Variants in TMEM26 observed in about 807,000 individuals in gnomAD.
TMEM26 encodes the protein transmembrane protein 26.
Under a neutral mutation model 28.8 loss-of-function variants are expected in TMEM26, and 38 were observed. The observed-to-expected ratio is 1.32, with a 90% confidence interval of 1.02 to 1.73. TMEM26 has a LOEUF of 1.73. Ranked by LOEUF, TMEM26 falls within the 40% of genes most tolerant of loss-of-function variation. The probability of loss-of-function intolerance (pLI) is 0.00; values close to 1 mark genes in which losing one functional copy is unlikely to be tolerated. For synonymous variants in TMEM26, 227 were observed against 182.9 expected, an observed-to-expected ratio of 1.24 and a Z score of -1.95; for missense variants, 518 against 447.1, an observed-to-expected ratio of 1.16 and a Z score of -1.43.
In TMEM26 at chr10:61,442,351, AT is replaced by A. The variant is rs1840108862; in HGVS notation, c.192-6104del. 2.6e-5 allele frequency among the ~76,000 whole-genome samples: 4 copies of A among 152,188 alleles called. No individual in the cohort carries two copies. In the South Asian group the frequency reaches 8.3e-4, roughly 31 times the overall value. Reference sequence around the variant, plus strand: ...TATTAATGTTTTCTTATTGAAAAAAATAACATCCATTCATTTTTATTAACAA... The same window carrying A: ...TATTAATGTTTTCTTATTGAAAAAAAAACATCCATTCATTTTTATTAACAA... On this transcript the variant is annotated intron_variant, in intron 1 of 5. Coordinates refer to ENST00000399298, the MANE Select transcript of TMEM26 (RefSeq NM_178505.8).
At chr10:61,434,339 C>A (rs186582364) in intron 2 of TMEM26, among the ~76,000 whole-genome samples, 5 of 152,228 alleles carry the variant, frequency 3.3e-5, no homozygotes, top group Admixed American at 3.3e-4. Flanking sequence ...AAAAAGGGAA[C>A]TTTTGGTTGC....
chr10:61,418,588 T>G (rs1266398227), intron 4 of TMEM26, among the ~76,000 whole-genome samples: 1 of 152,070 alleles, frequency 6.6e-6, no homozygotes, highest in African/African-American at 2.4e-5. Flanking sequence ...ACCATATTGA[T>G]CAGTTAAAGT....
intron 3 of TMEM26, among the ~76,000 whole-genome samples, chr10:61,430,174 A>G (rs1369371062): frequency 6.6e-6 from 1 of 152,044 alleles, no homozygotes; most frequent in Non-Finnish European, 1.5e-5. Flanking sequence ...TGAAAAACTG[A>G]GAGAGAAACT....
At chr10:61,425,475 T>C (rs1398460855) in intron 4 of TMEM26, among the ~76,000 whole-genome samples, 2 of 152,166 alleles carry the variant, frequency 1.3e-5, no homozygotes, top group East Asian at 3.8e-4. Context: ...AAAACACGTT[T>C]TTCAGAAGAT....
chr10:61,428,834 T>G (rs1839873231), intron 4 of TMEM26, 92 bp downstream of exon 4: 5 of 1,102,892 alleles, frequency 4.5e-6, no homozygotes, highest in Non-Finnish European at 6.6e-6. Context: ...CTAAAAATTC[T>G]TATTCATGTG....
In TMEM26 at chr10:61,422,434, A is replaced by T. The variant is rs767636492; in HGVS notation, c.605+6492T>A. On this transcript the variant is annotated intron_variant, in intron 4 of 5. Transcript: ENST00000399298. ...AGTAAGTCTCCATAAATTTAAAAAA[A>T]CTTAAACAATTTAAAGTAGATCCTC... Among the ~76,000 whole-genome samples the T allele has an allele frequency of 7.9e-5, 12 of 152,286 alleles. 1 individual carries two copies. Among genetic ancestry groups the T allele is most frequent in the Middle Eastern group, 6.8e-3 (2 of 294 alleles).
At chr10:61,429,460 T>C (rs970737097) in intron 3 of TMEM26, among the ~76,000 whole-genome samples, 2 of 152,078 alleles carry the variant, frequency 1.3e-5, no homozygotes, top group Non-Finnish European at 2.9e-5. Flanking sequence ...TTTATTATAC[T>C]GTGTAATGAA....
In TMEM26 at chr10:61,431,294, G is replaced by A; in HGVS notation, c.309C>T (p.Thr103=). 2 of 1,613,096 alleles carry A rather than the reference G, an allele frequency of 1.2e-6. No homozygotes were observed. Among genetic ancestry groups the A allele is most frequent in the African/African-American group, 1.3e-5 (1 of 74,960 alleles). The change falls in exon 3 of 6, where the codon ACC becomes ACT. Residue 103 remains threonine, a synonymous_variant. Transcript: ENST00000399298. ...SIQAEGTSQN[T]SRKEDFNQTL... is the part of the protein sequence containing the mutation. ...TTTGATTGAAGTCTTCTTTTCTGCT[G>A]GTATTCTGTGATGTTCCTTCAGCCT...
At chr10:61,436,300 A>T in intron 1 of TMEM26, 52 bp from the exon 2 acceptor site, 1 of 713,996 alleles carries the variant, frequency 1.4e-6, no homozygotes. Flanking sequence ...CTAATTTTCC[A>T]AAAAAAAAAA....
rs201924798 is a variant in TMEM26, at chr10:61,430,255, TA to T, written c.384+963del. Among the ~76,000 whole-genome samples the T allele has an allele frequency of 6.4e-3, 971 of 152,140 alleles. 9 individuals carry two copies. Among genetic ancestry groups the T allele is most frequent in the African/African-American group, 0.022 (914 of 41,542 alleles). ...AATTAGAACCCAAGGTTCATTCCAT[TA>T]AACCTCACAGAACCAATAGTACATC... On this transcript the variant is annotated intron_variant, in intron 3 of 5. Transcript: ENST00000399298.
intron 4 of TMEM26, chr10:61,416,264 G>C (rs1839650941): frequency 2.7e-6 from 1 of 363,746 alleles, no homozygotes; most frequent in Admixed American, 3.5e-5. Context: ...TTGCCTGCAA[G>C]GCAGTAGAAA....
rs766750670 is a variant in TMEM26, at chr10:61,410,394, C to A, written c.1035G>T (p.Glu345Asp). 2.0e-5 allele frequency: 33 copies of A among 1,613,946 alleles called. 1 individual carries two copies. The South Asian group carries it at 2.6e-4, about 13-fold the overall frequency. Reference protein sequence around the residue: ...SGPSQRDWQNESKEGLAIPLR... With the variant: ...SGPSQRDWQNDSKEGLAIPLR... ...AAGGAATAGCCAGGCCCTCCTTAGA[C>A]TCGTTCTGCCAGTCCCGCTGAGAGG... The change falls in exon 6 of 6, where the codon GAG (glutamate) becomes GAT (aspartate). Residue 345 changes from glutamate (E) to aspartate (D), a missense_variant. Coordinates refer to ENST00000399298, the MANE Select transcript of TMEM26 (RefSeq NM_178505.8).
At chr10:61,436,434 T>C (rs981397653) in intron 1 of TMEM26, among the ~76,000 whole-genome samples, 186 bp from the exon 2 acceptor site, 1 of 152,182 alleles carries the variant, frequency 6.6e-6, no homozygotes, top group Admixed American at 6.5e-5. Flanking sequence ...GCCATATGGA[T>C]TATAAAGAAA....
At chr10:61,444,467 A>T (rs1840145564) in intron 1 of TMEM26, among the ~76,000 whole-genome samples, 1 of 152,140 alleles carries the variant, frequency 6.6e-6, no homozygotes, top group Non-Finnish European at 1.5e-5. Flanking sequence ...AAGTTAAAAT[A>T]GTCTAGAATT....
chr10:61,420,718 C>A (rs1839731814), intron 4 of TMEM26, among the ~76,000 whole-genome samples: 2 of 140,622 alleles, frequency 1.4e-5, no homozygotes, highest in Non-Finnish European at 1.5e-5. Flanking sequence ...AGAACATTTC[C>A]AGATTAAAAA....
chr10:61,452,425 G>A (rs1248115654), intron 1 of TMEM26, among the ~76,000 whole-genome samples: 1 of 152,230 alleles, frequency 6.6e-6, no homozygotes, highest in Non-Finnish European at 1.5e-5. Flanking sequence ...TCTTAGGAGG[G>A]TGGCCAGTGT....
chr10:61,411,258 G>A (rs1382763312), intron 5 of TMEM26, among the ~76,000 whole-genome samples: 1 of 152,172 alleles, frequency 6.6e-6, no homozygotes, highest in African/African-American at 2.4e-5. Flanking sequence ...TGAAAACTGG[G>A]ATAACAATCA....
intron 5 of TMEM26, chr10:61,412,850 C>T: frequency 1.1e-6 from 1 of 880,600 alleles, no homozygotes; most frequent in Non-Finnish European, 1.6e-6. Flanking sequence ...TAGATTATTG[C>T]TAGTATAAAA....
intron 1 of TMEM26, among the ~76,000 whole-genome samples, chr10:61,440,040 G>A (rs141288372): frequency 0.019 from 2,825 of 152,164 alleles, 42 homozygotes; most frequent in South Asian, 0.027. Context: ...AGGAGTTCGC[G>A]ACCAGCCTGG....
Sources: gnomAD v4.1 joint callset for allele counts (sites outside exome capture counted in the v4.1 genomes callset) on GRCh38, gnomAD v4.1.1 for gene constraint, MANE v1.5 for transcripts, NCBI Gene and HGNC (gene_info 2026-07-23, HGNC 2026-07-21) for gene names.